The following USP6 variants were observed in gnomAD, a reference collection of about 807,000 sequenced individuals.
USP6 encodes the protein ubiquitin specific peptidase 6, also known as ubiquitin carboxyl-terminal hydrolase 6.
Under a neutral mutation model 175.7 loss-of-function variants are expected in USP6, and 128 were observed. That is an observed-to-expected ratio of 0.73 (90% CI 0.63 to 0.84). The LOEUF (loss-of-function observed/expected upper bound fraction) is 0.84, where lower values mean the gene tolerates loss of function less well. Among genes scored for constraint, USP6 ranks in the 40% least tolerant of loss-of-function variants. The pLI is 0.00. For synonymous variants in USP6, 562 were observed against 630.6 expected (o/e 0.89, Z 1.63); for missense variants, 1,498 against 1,760.3 (o/e 0.85, Z 2.67).
rs577756355 is a variant in USP6, at chr17:5,125,056, A to T, written c.-808A>T. ...GAAACAGCCACTTCCCATCCCTCGC[A>T]TTACCGCATGAGCTCTGCCTCCTGT... On this transcript the variant is annotated 5_prime_UTR_variant, in exon 5 of 38. Transcript: ENST00000574788. 10 of 152,316 alleles carry T rather than the reference A, an allele frequency of 6.6e-5. No homozygotes were observed. Among genetic ancestry groups the T allele is most frequent in the African/African-American group, 2.4e-4 (10 of 41,446 alleles). 9.4% of individuals were successfully genotyped at this position (152,316 alleles called of 1,614,324 possible).
At chr17:5,172,743 G>A in intron 37 of USP6, 62 bp from the exon 38 acceptor site, 2 of 1,592,648 alleles carry the variant, frequency 1.3e-6, no homozygotes, top group Non-Finnish European at 1.7e-6. Context: ...TCCCTTTCCT[G>A]GCAAGGATTT....
chr17:5,145,798 C>T (rs368940843), intron 27 of USP6, among the ~76,000 whole-genome samples: 17 of 152,164 alleles, frequency 1.1e-4, no homozygotes, highest in African/African-American at 3.6e-4. Flanking sequence ...CTTTAAAACC[C>T]TGCAAAGCCA....
At chr17:5,126,674 ATCTC>A (rs1189906263) in intron 6 of USP6, 3 of 150,178 alleles carry the variant, frequency 2.0e-5, no homozygotes, top group Non-Finnish European at 3.0e-5. Flanking sequence ...CCTTCTCCTC[ATCTC>A]TCTTTCTCTC....
intron 33 of USP6, among the ~76,000 whole-genome samples, 186 bp downstream of exon 33, chr17:5,163,190 A>ATTG (rs1405315834): frequency 1.3e-5 from 2 of 152,122 alleles, no homozygotes; most frequent in African/African-American, 4.8e-5. Flanking sequence ...TCTGGAGTTC[A>ATTG]TTGTATTGGG....
intron 22 of USP6, among the ~76,000 whole-genome samples, chr17:5,140,674 G>A (rs910482299): frequency 3.9e-5 from 6 of 152,044 alleles, no homozygotes; most frequent in East Asian, 3.9e-4. Flanking sequence ...TCCCATTTTC[G>A]CCTAACTTCT....
intron 29 of USP6, 121 bp downstream of exon 29, chr17:5,147,315 G>T: frequency 8.7e-7 from 1 of 1,147,082 alleles, no homozygotes; most frequent in East Asian, 2.9e-5. Context: ...TGGAACTCAA[G>T]GGAAACCTTA....
At position 5,131,396 on chromosome 17, in the gene USP6, G is replaced by C. The variant is rs571456449; in HGVS notation, c.155+712G>C. ...CAGCGGATGCCGGGCAAGATAAGGT[G>C]GGAGGGAGCTTATGAGGCGTGCCAC... On this transcript the variant is annotated intron_variant, in intron 11 of 37. Coordinates refer to ENST00000574788, the MANE Select transcript of USP6 (RefSeq NM_001304284.2). 3.3e-5 allele frequency among the ~76,000 whole-genome samples: 5 copies of C among 151,426 alleles called. No individual in the cohort carries two copies. The South Asian group carries it at 1.0e-3, about 32-fold the overall frequency.
chr17:5,137,983 C>G, intron 20 of USP6, 138 bp from the exon 21 acceptor site: 1 of 1,540,640 alleles, frequency 6.5e-7, no homozygotes, highest in Non-Finnish European at 8.7e-7. Context: ...CAGCCACAGT[C>G]TCCTGTGTAC....
At chr17:5,117,557 G>A (rs2143684419) in intron 1 of USP6, among the ~76,000 whole-genome samples, 1 of 151,200 alleles carries the variant, frequency 6.6e-6, no homozygotes, top group East Asian at 1.9e-4. Flanking sequence ...TACAGCACAA[G>A]TGAATAAATG....
chr17:5,142,610 G>T, intron 25 of USP6, 108 bp downstream of exon 25: 2 of 1,434,862 alleles, frequency 1.4e-6, no homozygotes, highest in Non-Finnish European at 1.8e-6. Context: ...GAACGTTTTT[G>T]GATCCTTTAC....
intron 17 of USP6, 137 bp from the exon 18 acceptor site, chr17:5,136,503 C>A: frequency 8.5e-7 from 1 of 1,179,322 alleles, no homozygotes; most frequent in Non-Finnish European, 1.2e-6. Context: ...GGGCAAAGGC[C>A]GCATGGTAGG....
chr17:5,164,291 C>T (rs768144094), intron 33 of USP6, among the ~76,000 whole-genome samples: 2 of 152,116 alleles, frequency 1.3e-5, no homozygotes, highest in Non-Finnish European at 2.9e-5. Context: ...CCCCACACAC[C>T]GAGGTTCCTG....
At chr17:5,125,517 A>G (rs915874827) in intron 5 of USP6, among the ~76,000 whole-genome samples, 13 of 152,152 alleles carry the variant, frequency 8.5e-5, no homozygotes, top group African/African-American at 2.9e-4. Flanking sequence ...ACAGGTTTAA[A>G]TGCTAATAAA....
Position 5,168,133 on chromosome 17 carries a change from G to A in USP6, c.3228+10G>A, listed in dbSNP as rs553163384. On this transcript the variant is annotated intron_variant, in intron 34 of 37. Coordinates refer to ENST00000574788, the MANE Select transcript of USP6 (RefSeq NM_001304284.2). ...GCTTCCACCCTTCCTGGTATGTTACGGTCCTGCCTCTGAGAGAGCAGGAAT... is the reference window on the plus strand; with the variant it reads ...GCTTCCACCCTTCCTGGTATGTTACAGTCCTGCCTCTGAGAGAGCAGGAAT... The A allele has an allele frequency of 1.4e-5, 22 of 1,590,238 alleles. 1 individual carries two copies. In the East Asian group the frequency reaches 1.6e-4, roughly 11 times the overall value.
At chr17:5,164,815 C>T (rs1232416443) in intron 33 of USP6, among the ~76,000 whole-genome samples, 1 of 152,176 alleles carries the variant, frequency 6.6e-6, no homozygotes, top group Non-Finnish European at 1.5e-5. Flanking sequence ...TGCCCATATG[C>T]TTTATATTTT....
chr17:5,173,358 A>G lies in USP6; in HGVS notation c.*380A>G. On this transcript the variant is annotated 3_prime_UTR_variant, in exon 38 of 38. Transcript: ENST00000574788. ...TTGGAGTCAGAGGAAAAAACAAACA[A>G]TTATAATGTTGTCTAGGGACGACAT... 1 of 234,468 alleles carries G rather than the reference A, an allele frequency of 4.3e-6. No homozygotes were observed. Among genetic ancestry groups the G allele is most frequent in the Non-Finnish European group, 8.4e-6 (1 of 119,068 alleles). The allele number at this position is 234,468 out of a possible 1,614,324, so 14.5% of individuals were successfully genotyped here.
Position 5,144,606 on chromosome 17 carries a change from A to G in USP6, c.1819-84A>G, listed in dbSNP as rs368328653. Reference sequence around the variant, plus strand: ...GTACTATACTATTTATTTTCTTACAATGGCTCTGATTGGATTATAGGACAT... The same window carrying G: ...GTACTATACTATTTATTTTCTTACAGTGGCTCTGATTGGATTATAGGACAT... On this transcript the variant is annotated intron_variant, in intron 25 of 37. Coordinates refer to ENST00000574788, the MANE Select transcript of USP6 (RefSeq NM_001304284.2). 6.4e-5 allele frequency: 93 copies of G among 1,451,828 alleles called. No homozygotes were observed. In the African/African-American group the frequency reaches 9.0e-4, roughly 14 times the overall value. The allele number at this position is 1,451,828 out of a possible 1,614,324, so 89.9% of individuals were successfully genotyped here.
intron 31 of USP6, among the ~76,000 whole-genome samples, chr17:5,157,821 G>A (rs1024378224): frequency 6.6e-6 from 1 of 152,108 alleles, no homozygotes; most frequent in African/African-American, 2.4e-5. Flanking sequence ...AGTAGAGACA[G>A]GGTTTCACCA....
At chr17:5,159,606 C>T (rs1192670506) in intron 31 of USP6, among the ~76,000 whole-genome samples, 1 of 152,126 alleles carries the variant, frequency 6.6e-6, no homozygotes, top group African/African-American at 2.4e-5. Context: ...AGATCATGTA[C>T]AAGTGGCATA....
Sources: allele counts gnomAD v4.1 joint callset (sites outside exome capture counted in the v4.1 genomes callset), GRCh38; gene constraint gnomAD v4.1.1; transcripts MANE v1.5; gene names NCBI Gene and HGNC (gene_info 2026-07-23, HGNC 2026-07-21).